SRGAP2: variants seen among roughly 807,000 people sequenced by gnomAD.
The protein encoded by SRGAP2 is SLIT-ROBO Rho GTPase activating protein 2.
In SRGAP2, 15 loss-of-function variants were observed where a neutral mutation model predicts 57.2. The ratio of observed to expected loss-of-function variants is 0.26; its 90% CI spans 0.18 to 0.40. The LOEUF (loss-of-function observed/expected upper bound fraction) is 0.40. SRGAP2 is among the 10% of genes least tolerant of loss of function. The probability of loss-of-function intolerance (pLI) is 1.00; values close to 1 mark genes in which losing one functional copy is unlikely to be tolerated. For missense variants in SRGAP2, 520 were observed against 669.6 expected, an observed-to-expected ratio of 0.78 and a Z score of 2.47; for synonymous variants, 249 against 248.0, an observed-to-expected ratio of 1.00 and a Z score of -0.04.
intron 7 of SRGAP2, 148 bp from the exon 8 acceptor site, chr1:206,401,273 C>G: frequency 1.4e-6 from 1 of 710,916 alleles, no homozygotes; most frequent in Non-Finnish European, 2.6e-6. Context: ...AACTCTCACC[C>G]AGACCTTGGA....
intron 10 of SRGAP2, among the ~76,000 whole-genome samples, chr1:206,412,524 G>A (rs1167489029): frequency 6.6e-6 from 1 of 152,188 alleles, no homozygotes; most frequent in Non-Finnish European, 1.5e-5. Flanking sequence ...GGTGTTTGGT[G>A]AAGGAAGGAA....
In SRGAP2 at chr1:206,431,663, T is replaced by C. The variant is rs1333738304; in HGVS notation, c.1555+1441T>C. Among the ~76,000 whole-genome samples the C allele has an allele frequency of 3.3e-5, 5 of 152,184 alleles. No individual in the cohort carries two copies. In the East Asian group the frequency reaches 7.7e-4, roughly 23 times the overall value. The stretch of plus-strand genomic sequence containing the variant: ...TGCCTTCATAAACCTTACATTCCAC[T>C]GAAAGGTGGATAAGCAAATGACCAA... On this transcript the variant is annotated intron_variant, in intron 14 of 22. Coordinates refer to ENST00000573034, the MANE Select transcript of SRGAP2 (RefSeq NM_015326.5).
At chr1:206,306,456 C>T (rs1375468731) in intron 3 of SRGAP2, among the ~76,000 whole-genome samples, 2 of 152,164 alleles carry the variant, frequency 1.3e-5, no homozygotes, top group Non-Finnish European at 2.9e-5. Context: ...GTGAGTGTTA[C>T]AGCTCATAAA....
At chr1:206,429,935 A>T (rs1553367739) in intron 13 of SRGAP2, among the ~76,000 whole-genome samples, 1 of 152,196 alleles carries the variant, frequency 6.6e-6, no homozygotes, top group African/African-American at 2.4e-5. Flanking sequence ...TTGGGGCAGA[A>T]GATGATCAGT....
intron 10 of SRGAP2, among the ~76,000 whole-genome samples, chr1:206,413,489 G>A (rs1659395621): frequency 2.0e-5 from 3 of 152,238 alleles, no homozygotes. Context: ...TTGTGCAAAA[G>A]CATAAAAGGA....
intron 13 of SRGAP2, among the ~76,000 whole-genome samples, chr1:206,423,946 T>C (rs1660551110): frequency 6.9e-6 from 1 of 145,884 alleles, no homozygotes; most frequent in Admixed American, 6.8e-5. Flanking sequence ...GGCTAATTTA[T>C]GTATTTTTTT....
intron 3 of SRGAP2, chr1:206,333,556 T>A: frequency 1.2e-6 from 1 of 816,100 alleles, no homozygotes; most frequent in Non-Finnish European, 2.0e-6. Context: ...AAGAGACAGG[T>A]CCTATGTTGC....
At chr1:206,292,210 T>C (rs1671368804) in intron 2 of SRGAP2, among the ~76,000 whole-genome samples, 1 of 152,172 alleles carries the variant, frequency 6.6e-6, no homozygotes, top group South Asian at 2.1e-4. Context: ...AGGGAAAATA[T>C]TTCATTCGTC....
chr1:206,209,532 G>A (rs1226752417), intron 2 of SRGAP2, among the ~76,000 whole-genome samples: 2 of 152,130 alleles, frequency 1.3e-5, no homozygotes, highest in African/African-American at 4.8e-5. Flanking sequence ...AGCCTGCCTT[G>A]TAGTGTCTTC....
chr1:206,450,274 A>G lies in SRGAP2; in HGVS notation c.2100-112A>G, dbSNP rs1421849624. The G allele has an allele frequency of 9.0e-6, 6 of 669,842 alleles. No homozygotes were observed. In the Admixed American group the frequency reaches 1.3e-4, roughly 15 times the overall value. The allele number at this position is 669,842 out of a possible 1,614,324, so 41.5% of individuals were successfully genotyped here. On this transcript the variant is annotated intron_variant, in intron 18 of 22. Coordinates refer to ENST00000573034, the MANE Select transcript of SRGAP2 (RefSeq NM_015326.5). ...TGTCTATTGTGTGCAGTTAGGATAT[A>G]GAGAGCATAAGATGGATTCAGTGCC...
At chr1:206,440,785 T>G (rs1487418727) in intron 17 of SRGAP2, among the ~76,000 whole-genome samples, 2 of 152,258 alleles carry the variant, frequency 1.3e-5, no homozygotes, top group Non-Finnish European at 2.9e-5. Context: ...GACCTCGTGA[T>G]GTGCCCACCT....
intron 11 of SRGAP2, among the ~76,000 whole-genome samples, chr1:206,418,004 C>T (rs939987809): frequency 6.6e-6 from 1 of 151,294 alleles, no homozygotes; most frequent in East Asian, 1.9e-4. Context: ...TGGGTTTACT[C>T]ACACATTTAT....
chr1:206,325,068 CA>C (rs1351966581), intron 3 of SRGAP2, among the ~76,000 whole-genome samples: 1 of 132,422 alleles, frequency 7.6e-6, no homozygotes. Flanking sequence ...CTCAGATTCT[CA>C]AAAAGTATCA....
At chr1:206,253,332 ACTT>A (rs1226128412) in intron 2 of SRGAP2, among the ~76,000 whole-genome samples, 1 of 149,420 alleles carries the variant, frequency 6.7e-6, no homozygotes, top group African/African-American at 2.5e-5. Context: ...ACCTGTGCAT[ACTT>A]CTTTGCTAGC....
chr1:206,309,755 G>T (rs1385521618), intron 3 of SRGAP2, among the ~76,000 whole-genome samples: 1 of 151,724 alleles, frequency 6.6e-6, no homozygotes, highest in Admixed American at 6.6e-5. Flanking sequence ...TACTGCTGAG[G>T]TAAGAGGTTA....
chr1:206,309,744 A>G (rs1672496486), intron 3 of SRGAP2, among the ~76,000 whole-genome samples: 1 of 151,844 alleles, frequency 6.6e-6, no homozygotes, highest in African/African-American at 2.4e-5. Context: ...TGGAGACGGC[A>G]TACTGCTGAG....
At chr1:206,433,365 A>G (rs1661434106) in intron 14 of SRGAP2, among the ~76,000 whole-genome samples, 1 of 152,164 alleles carries the variant, frequency 6.6e-6, no homozygotes, top group African/African-American at 2.4e-5. Context: ...CAAGCCAAGC[A>G]TGGTGGCTCA....
At chr1:206,303,232 G>A in intron 2 of SRGAP2, 49 bp from the exon 3 acceptor site, 1 of 1,350,148 alleles carries the variant, frequency 7.4e-7, no homozygotes, top group South Asian at 1.5e-5. Flanking sequence ...ATGCATGGTG[G>A]CTTATTTAGG....
intron 2 of SRGAP2, among the ~76,000 whole-genome samples, chr1:206,276,374 G>A (rs1447338040): frequency 4.1e-5 from 6 of 146,354 alleles, no homozygotes; most frequent in East Asian, 4.0e-4. Flanking sequence ...TCAGGTTGCC[G>A]AGAGCCTTAG....
Sources: gnomAD v4.1 joint callset for allele counts (sites outside exome capture counted in the v4.1 genomes callset) on GRCh38, gnomAD v4.1.1 for gene constraint, MANE v1.5 for transcripts, NCBI Gene and HGNC (gene_info 2026-07-23, HGNC 2026-07-21) for gene names.